Variants in SLC39A11 observed in about 807,000 individuals in gnomAD.
The protein encoded by SLC39A11 is zinc transporter ZIP11.
Under a neutral mutation model 36.1 loss-of-function variants are expected in SLC39A11, and 33 were observed. The ratio of observed to expected loss-of-function variants is 0.91; its 90% CI spans 0.69 to 1.22. SLC39A11 has a LOEUF of 1.22. Among genes scored for constraint, SLC39A11 ranks in the 50% most tolerant of loss-of-function variants. SLC39A11 has a pLI of 0.00. For synonymous variants in SLC39A11, 166 were observed against 170.3 expected (o/e 0.97, Z 0.20); for missense variants, 432 against 430.3 (o/e 1.00, Z -0.03).
chr17:73,018,331 C>T (rs889343200), intron 4 of SLC39A11, among the ~76,000 whole-genome samples: 2 of 152,036 alleles, frequency 1.3e-5, no homozygotes, highest in African/African-American at 4.8e-5. Flanking sequence ...GGAAGATTAC[C>T]TGAGGTCAGG....
At chr17:73,015,942 C>T (rs955396956) in intron 4 of SLC39A11, among the ~76,000 whole-genome samples, 1 of 152,114 alleles carries the variant, frequency 6.6e-6, no homozygotes, top group East Asian at 1.9e-4. Flanking sequence ...TCATCTTAGA[C>T]TATGACATCA....
rs1021290395 is a variant in SLC39A11, at chr17:72,855,692, C to T, written c.431-5888G>A. On this transcript the variant is annotated intron_variant, in intron 5 of 9. Transcript: ENST00000255559. The stretch of plus-strand genomic sequence containing the variant: ...TGGGCAGATCACAAGGTCAGAAGAT[C>T]GAGACCATCCTGGCTAACACAGTGA... Among the ~76,000 whole-genome samples, 3 of 152,068 alleles carry T rather than the reference C, an allele frequency of 2.0e-5. 1 individual carries two copies. The highest frequency in any genetic ancestry group is 2.4e-5 in the African/African-American group (1 of 41,414).
intron 6 of SLC39A11, among the ~76,000 whole-genome samples, chr17:72,812,700 C>T (rs12951140): frequency 0.011 from 1,738 of 152,214 alleles, 16 homozygotes; most frequent in Middle Eastern, 0.027. Flanking sequence ...CGTCTTTTTA[C>T]GGTGAACTTT....
intron 6 of SLC39A11, among the ~76,000 whole-genome samples, chr17:72,766,507 C>T (rs2075766237): frequency 6.6e-6 from 1 of 152,190 alleles, no homozygotes; most frequent in African/African-American, 2.4e-5. Context: ...TGGCTTGTAG[C>T]CACCTGGACT....
intron 5 of SLC39A11, among the ~76,000 whole-genome samples, chr17:72,886,187 T>C (rs2081430019): frequency 1.3e-5 from 2 of 152,168 alleles, no homozygotes. Flanking sequence ...TCAGTGCTCT[T>C]CGCTCTCCTG....
At chr17:73,053,939 A>G (rs898783854) in intron 3 of SLC39A11, among the ~76,000 whole-genome samples, 1 of 152,220 alleles carries the variant, frequency 6.6e-6, no homozygotes, top group Non-Finnish European at 1.5e-5. Context: ...TGATTTCCGT[A>G]TAGACTCAGC....
chr17:73,088,305 GA>G (rs1417667821), intron 2 of SLC39A11, among the ~76,000 whole-genome samples: 1 of 145,856 alleles, frequency 6.9e-6, no homozygotes, highest in Non-Finnish European at 1.5e-5. Flanking sequence ...AAAAAAAAAA[GA>G]AAAAAGAAAA....
At chr17:72,844,293 C>T (rs2078954810) in intron 6 of SLC39A11, among the ~76,000 whole-genome samples, 1 of 152,170 alleles carries the variant, frequency 6.6e-6, no homozygotes, top group South Asian at 2.1e-4. Flanking sequence ...GAGGAATGAG[C>T]CACAGTGGGT....
At chr17:72,996,141 A>G (rs555755269) in intron 4 of SLC39A11, among the ~76,000 whole-genome samples, 33 of 152,168 alleles carry the variant, frequency 2.2e-4, no homozygotes, top group African/African-American at 7.5e-4. Context: ...CAAATCCCTC[A>G]GTCCCACCAC....
intron 6 of SLC39A11, among the ~76,000 whole-genome samples, chr17:72,805,109 A>G (rs543309854): frequency 6.6e-6 from 1 of 152,242 alleles, no homozygotes; most frequent in East Asian, 1.9e-4. Flanking sequence ...GGATAAATAA[A>G]TACCAGGTCT....
chr17:72,723,619 T>C (rs1211650175), intron 7 of SLC39A11, among the ~76,000 whole-genome samples: 3 of 152,228 alleles, frequency 2.0e-5, no homozygotes, highest in African/African-American at 4.8e-5. Context: ...TTTGAGGTGA[T>C]ACATTTACTT....
intron 7 of SLC39A11, among the ~76,000 whole-genome samples, chr17:72,734,268 T>A (rs890280176): frequency 7.2e-5 from 11 of 151,942 alleles, no homozygotes; most frequent in African/African-American, 2.4e-4. Flanking sequence ...ACTCTACACG[T>A]TTTTCAAAGT....
intron 7 of SLC39A11, among the ~76,000 whole-genome samples, chr17:72,710,297 C>T (rs1215736071): frequency 6.6e-6 from 1 of 152,188 alleles, no homozygotes; most frequent in Admixed American, 6.5e-5. Flanking sequence ...CTTTGAATCA[C>T]ATCCTGTTAT....
At chr17:72,793,860 C>A (rs2145117838) in intron 6 of SLC39A11, among the ~76,000 whole-genome samples, 1 of 151,446 alleles carries the variant, frequency 6.6e-6, no homozygotes, top group East Asian at 1.9e-4. Context: ...TGTACCTTGG[C>A]AGTTGCAGAA....
At chr17:72,927,064 T>G (rs1185905484) in intron 5 of SLC39A11, among the ~76,000 whole-genome samples, 1 of 152,136 alleles carries the variant, frequency 6.6e-6, no homozygotes, top group Non-Finnish European at 1.5e-5. Context: ...ATTTATTTAC[T>G]GAGACAGAGT....
intron 4 of SLC39A11, among the ~76,000 whole-genome samples, chr17:73,007,621 C>T (rs2148465091): frequency 6.6e-6 from 1 of 152,126 alleles, no homozygotes; most frequent in South Asian, 2.1e-4. Context: ...GAACCAGCTG[C>T]AGGAGCTGGT....
chr17:72,693,466 CA>C (rs2072131059), intron 7 of SLC39A11, among the ~76,000 whole-genome samples: 2 of 152,222 alleles, frequency 1.3e-5, no homozygotes, highest in African/African-American at 4.8e-5. Flanking sequence ...CAGGAGAGCT[CA>C]AAAGCCTTTA....
chr17:73,026,901 T>C (rs1460306938), intron 4 of SLC39A11, among the ~76,000 whole-genome samples: 1 of 151,926 alleles, frequency 6.6e-6, no homozygotes, highest in Non-Finnish European at 1.5e-5. Context: ...GAGGATTGCT[T>C]GAGCTCAGGA....
At chr17:72,973,253 T>C (rs1023275354) in intron 4 of SLC39A11, among the ~76,000 whole-genome samples, 7 of 151,858 alleles carry the variant, frequency 4.6e-5, no homozygotes, top group African/African-American at 1.7e-4. Context: ...AAAGGTTTAT[T>C]TGTCTGGGTC....
Sources: gnomAD v4.1 joint callset for allele counts (sites outside exome capture counted in the v4.1 genomes callset) on GRCh38, gnomAD v4.1.1 for gene constraint, MANE v1.5 for transcripts, NCBI Gene and HGNC (gene_info 2026-07-23, HGNC 2026-07-21) for gene names.